ADSL: variants seen among roughly 807,000 people sequenced by gnomAD.
ADSL encodes the protein adenylosuccinate lyase.
A neutral mutation model predicts 62.1 loss-of-function variants in ADSL; 44 were observed. The ratio of observed to expected loss-of-function variants is 0.71; its 90% CI spans 0.56 to 0.91. ADSL has a LOEUF of 0.91. Among genes scored for constraint, ADSL ranks in the 40% least tolerant of loss-of-function variants. The probability of loss-of-function intolerance (pLI) is 0.00; values close to 1 mark genes in which losing one functional copy is unlikely to be tolerated. For missense variants in ADSL, 531 were observed against 627.4 expected (o/e 0.85, Z 1.64); for synonymous variants, 198 against 220.5 (o/e 0.90, Z 0.90).
At chr22:40,383,745 G>C (rs1382939651) in intron 2 of ADSL, among the ~76,000 whole-genome samples, 1 of 152,178 alleles carries the variant, frequency 6.6e-6, no homozygotes, top group Non-Finnish European at 1.5e-5. Context: ...TGGAATCAGA[G>C]CTGTGCTTCA....
intron 2 of ADSL, chr22:40,387,465 ATATT>A: frequency 2.9e-6 from 1 of 347,854 alleles, no homozygotes. Context: ...TGTGTAAACT[ATATT>A]TATGATCTCC....
chr22:40,361,603 G>C lies in ADSL; in HGVS notation c.978G>C (p.Trp326Cys), dbSNP rs1224557562. ...MDPLQTASVQWFERTLDDSAN... is the reference protein window; with the variant it reads ...MDPLQTASVQCFERTLDDSAN... ...CGCTACAGACAGCATCTGTCCAGTG[G>C]TTTGAACGCACACTGGATGATAGTG... Residue 326 changes from tryptophan (W) to cysteine (C), a missense_variant, in exon 9 of 13, where the codon TGG (tryptophan) becomes TGC (cysteine). Transcript: ENST00000623063. 3 of 1,613,932 alleles carry C rather than the reference G, an allele frequency of 1.9e-6. No individual in the cohort carries two copies. The African/African-American group carries it at 4.0e-5, about 22-fold the overall frequency.
chr22:40,375,150 A>G (rs1249292004), intron 2 of ADSL, among the ~76,000 whole-genome samples: 4 of 152,188 alleles, frequency 2.6e-5, no homozygotes, highest in African/African-American at 7.2e-5. Flanking sequence ...AGTGATAAAC[A>G]TATTTCTGCT....
rs779046571 is a variant in ADSL, at chr22:40,361,327, G to C, written c.847G>C (p.Glu283Gln). Residue 283 changes from glutamate to glutamine, a missense_variant, in exon 8 of 13, where the codon GAA becomes CAA. Physicochemically the swap from Glu to Gln is conservative, Grantham distance 29. This residue lies in a region of ADSL where 471 missense variants were observed against 592.9 expected (regional missense o/e 0.79). Coordinates refer to ENST00000623063, the MANE Select transcript of ADSL (RefSeq NM_000026.4). ...CCTCAAGGAGATGGAGGAACCCTTT[G>C]AAAAACAGCAGATTGGTGAGTGCTG... ...ANLKEMEEPF[E>Q]KQQIGSSAMP... The C allele has an allele frequency of 1.2e-6, 2 of 1,614,172 alleles. No homozygotes were observed. The highest frequency in any genetic ancestry group is 1.7e-6 in the Non-Finnish European group (2 of 1,180,026).
At chr22:40,370,500 T>C (rs1601611160), downstream of ADSL, 1 of 152,426 alleles carries the variant, frequency 6.6e-6, no homozygotes, top group Middle Eastern at 3.4e-3. Flanking sequence ...GGCCTTGGGA[T>C]GGGGGCGCAA....
chr22:40,356,894 T>C (rs903519292), intron 4 of ADSL, among the ~76,000 whole-genome samples: 1 of 152,102 alleles, frequency 6.6e-6, no homozygotes, highest in Non-Finnish European at 1.5e-5. Context: ...ATTATATATT[T>C]TGTTTTTTTG....
At chr22:40,351,460 C>A (rs952694883) in intron 2 of ADSL, among the ~76,000 whole-genome samples, 2 of 152,090 alleles carry the variant, frequency 1.3e-5, no homozygotes, top group African/African-American at 4.8e-5. Flanking sequence ...GCGTTAGCCA[C>A]CACGCCTGGC....
rs933044752 is a variant in ADSL at position 40,387,276 on chromosome 22, C to T, written c.90-2954C>T. 8.0e-5 allele frequency: 32 copies of T among 398,212 alleles called. No individual in the cohort carries two copies. In the Admixed American group the frequency reaches 1.1e-3, roughly 14 times the overall value. 24.7% of individuals were successfully genotyped at this position (398,212 alleles called of 1,614,324 possible). A position where few individuals can be genotyped will look rare whatever the true frequency, so the allele number is the denominator to read the frequency against. Reference sequence around the variant, plus strand: ...CACAGAGTATAATAGCATATATACTCTATAATACTGTATATAGTGTAGTAT... The same window carrying T: ...CACAGAGTATAATAGCATATATACTTTATAATACTGTATATAGTGTAGTAT... On this transcript the variant is annotated intron_variant, in intron 2 of 2. Coordinates refer to the ADSL transcript ENST00000498234.
chr22:40,372,490 A>C (rs1003286982), downstream of ADSL, among the ~76,000 whole-genome samples: 2 of 152,094 alleles, frequency 1.3e-5, no homozygotes, highest in African/African-American at 4.8e-5. Context: ...GTGTCTATTG[A>C]TCAGATATGG....
At chr22:40,354,374 T>C in intron 4 of ADSL, 47 bp downstream of exon 4, 4 of 1,443,992 alleles carry the variant, frequency 2.8e-6, no homozygotes, top group Non-Finnish European at 3.9e-6. Context: ...GGCTTTCAGC[T>C]GCTTCTTGAG....
intron 3 of ADSL, chr22:40,353,370 G>T: frequency 1.4e-6 from 1 of 702,490 alleles, no homozygotes; most frequent in Non-Finnish European, 2.6e-6. Flanking sequence ...AAGGCTTATT[G>T]CAACCTCCGC....
intron 10 of ADSL, 88 bp downstream of exon 10, chr22:40,363,159 A>G (rs1470168302): frequency 8.0e-7 from 1 of 1,251,540 alleles, no homozygotes; most frequent in African/African-American, 1.5e-5. Context: ...AGGGAGCTGT[A>G]TTCTGATCCG....
intron 2 of ADSL, among the ~76,000 whole-genome samples, chr22:40,350,572 TAAGCC>T (rs2044307817): frequency 6.6e-6 from 1 of 152,236 alleles, no homozygotes; most frequent in Admixed American, 6.5e-5. Flanking sequence ...TTGCTGGATG[TAAGCC>T]AAGGCCTTAG....
chr22:40,372,548 C>G (rs189385389), downstream of ADSL: 1 of 152,092 alleles, frequency 6.6e-6, no homozygotes, highest in African/African-American at 2.4e-5. Context: ...AGGCTGTAAA[C>G]AAACAATTGC....
chr22:40,353,236 G>T, intron 3 of ADSL, 119 bp downstream of exon 3: 1 of 790,550 alleles, frequency 1.3e-6, no homozygotes, highest in South Asian at 1.4e-5. Context: ...TTTTTCAGGT[G>T]AATGACAACC....
At chr22:40,378,202 G>A (rs1658445185) in intron 2 of ADSL, 1 of 151,872 alleles carries the variant, frequency 6.6e-6, no homozygotes, top group Non-Finnish European at 1.5e-5. Flanking sequence ...GGCTGAGGCA[G>A]GATGATCGCT....
At position 40,358,972 on chromosome 22, in the gene ADSL, A is replaced by T. The variant is rs1285817690; in HGVS notation, c.591A>T (p.Gly197=). Residue 197 remains glycine (G), a synonymous_variant, in exon 5 of 13, where the codon GGA becomes GGT. Transcript: ENST00000623063. ...TCCGAGATGACCTGCGCTTCCGGGGAGTAAAGGGTACCACTGGCACTCAGG... is the reference window on the plus strand; with the variant it reads ...TCCGAGATGACCTGCGCTTCCGGGGTGTAAAGGGTACCACTGGCACTCAGG... ...KRVRDDLRFR[G]VKGTTGTQAS... The T allele has an allele frequency of 6.2e-7, 1 of 1,614,070 alleles. No homozygotes were observed. The highest frequency in any genetic ancestry group is 8.5e-7 in the Non-Finnish European group (1 of 1,180,022).
intron 6 of ADSL, among the ~76,000 whole-genome samples, chr22:40,359,779 TG>T (rs1216271858): frequency 6.6e-6 from 1 of 152,150 alleles, no homozygotes; most frequent in Non-Finnish European, 1.5e-5. Context: ...GCGATCCACC[TG>T]CCTCAGCCTC....
intron 4 of ADSL, among the ~76,000 whole-genome samples, 162 bp downstream of exon 4, chr22:40,354,489 G>C (rs1476787096): frequency 2.0e-5 from 3 of 152,198 alleles, no homozygotes; most frequent in African/African-American, 7.2e-5. Flanking sequence ...TCCACTGAGA[G>C]AGTAAATCTA....
Sources: allele counts gnomAD v4.1 joint callset (sites outside exome capture counted in the v4.1 genomes callset), GRCh38; gene constraint gnomAD v4.1.1; regional missense constraint gnomAD v4.1.1; transcripts MANE v1.5; gene names NCBI Gene and HGNC (gene_info 2026-07-23, HGNC 2026-07-21).